KLHL1: variants seen among roughly 807,000 people sequenced by gnomAD.
The protein encoded by KLHL1 is kelch like family member 1.
In KLHL1, 47 loss-of-function variants were observed where a neutral mutation model predicts 77.7. The observed-to-expected ratio is 0.60, with a 90% CI of 0.48 to 0.77. The LOEUF is 0.77. Ranked by LOEUF, KLHL1 falls within the 30% of genes least tolerant of loss-of-function variation. The pLI, the probability that KLHL1 is intolerant of heterozygous loss-of-function variation, is 0.00. For missense variants in KLHL1, 925 were observed against 910.8 expected, an observed-to-expected ratio of 1.02 and a Z score of -0.20; for synonymous variants, 360 against 325.2, an observed-to-expected ratio of 1.11 and a Z score of -1.15.
At chr13:69,927,981 T>C (rs4884868) in intron 4 of KLHL1, among the ~76,000 whole-genome samples, 61,990 of 152,052 alleles carry the variant, frequency 0.41, 13,407 homozygotes, top group Non-Finnish European at 0.49. Context: ...ACAAGAATGC[T>C]GGACAGAAAT....
chr13:70,004,089 A>C (rs1398993447), intron 1 of KLHL1, among the ~76,000 whole-genome samples: 1 of 151,836 alleles, frequency 6.6e-6, no homozygotes, highest in African/African-American at 2.4e-5. Flanking sequence ...GCCTACCTTT[A>C]AGGCCAACTA....
At chr13:69,899,312 T>C (rs1881771991) in intron 4 of KLHL1, among the ~76,000 whole-genome samples, 1 of 152,186 alleles carries the variant, frequency 6.6e-6, no homozygotes, top group Non-Finnish European at 1.5e-5. Context: ...AATCAGTTAG[T>C]TCTGGAAGTA....
chr13:70,008,333 A>C (rs1885453260), intron 1 of KLHL1, among the ~76,000 whole-genome samples: 1 of 151,994 alleles, frequency 6.6e-6, no homozygotes, highest in African/African-American at 2.4e-5. Flanking sequence ...GAGAACATGC[A>C]CTTGTGCCTC....
At chr13:69,703,741 C>A (rs1875504721) in intron 10 of KLHL1, among the ~76,000 whole-genome samples, 1 of 151,606 alleles carries the variant, frequency 6.6e-6, no homozygotes, top group Admixed American at 6.6e-5. Context: ...GATACACAAA[C>A]AAACACCATT....
chr13:69,869,166 A>T (rs1880485234), intron 5 of KLHL1, among the ~76,000 whole-genome samples: 2 of 152,152 alleles, frequency 1.3e-5, no homozygotes, highest in African/African-American at 4.8e-5. Flanking sequence ...CCATTAATAA[A>T]TTCTACCTGA....
chr13:69,822,471 T>A (rs1878377950), intron 6 of KLHL1, among the ~76,000 whole-genome samples: 1 of 152,158 alleles, frequency 6.6e-6, no homozygotes, highest in Non-Finnish European at 1.5e-5. Flanking sequence ...ATTAAATACA[T>A]GAGCACCTAA....
rs78548939 is a variant in KLHL1 at position 70,091,816 on chromosome 13, A to C, written c.497+15387T>G. Among the ~76,000 whole-genome samples the C allele has an allele frequency of 6.4e-3, 974 of 152,252 alleles. 7 individuals carry two copies. The highest frequency in any genetic ancestry group is 0.022 in the African/African-American group (912 of 41,558). ...GTAGGTGCCGCCTAAACTACCTTAG[A>C]GCTAACTTTCATAAAAATTAAAACT... On this transcript the variant is annotated intron_variant, in intron 1 of 10. Coordinates refer to ENST00000377844, the MANE Select transcript of KLHL1 (RefSeq NM_020866.3).
chr13:70,069,939 C>A (rs1887100784), intron 1 of KLHL1, among the ~76,000 whole-genome samples: 1 of 151,892 alleles, frequency 6.6e-6, no homozygotes, highest in African/African-American at 2.4e-5. Flanking sequence ...GAGGCCGAGG[C>A]AGGCAGATCA....
intron 7 of KLHL1, among the ~76,000 whole-genome samples, chr13:69,793,175 T>C (rs1033301762): frequency 6.6e-6 from 1 of 151,986 alleles, no homozygotes; most frequent in African/African-American, 2.4e-5. Context: ...AACACTTAAC[T>C]GAAATAGTGC....
intron 4 of KLHL1, among the ~76,000 whole-genome samples, chr13:69,899,016 ACATT>A (rs1881755073): frequency 2.1e-5 from 1 of 48,010 alleles, no homozygotes; most frequent in Non-Finnish European, 4.5e-5. Flanking sequence ...TAAAAATTAC[ACATT>A]TTTTTTTTTT....
rs570457921 is a variant in KLHL1 at position 69,804,316 on chromosome 13, GA to G, written c.1415-7355del. Among the ~76,000 whole-genome samples, 18 of 150,826 alleles carry G rather than the reference GA, an allele frequency of 1.2e-4. No homozygotes were observed. The South Asian group carries it at 3.3e-3, about 28-fold the overall frequency. On this transcript the variant is annotated intron_variant, in intron 6 of 10. Coordinates refer to ENST00000377844, the MANE Select transcript of KLHL1 (RefSeq NM_020866.3). The stretch of plus-strand genomic sequence containing the variant: ...AAATATAATTTTTTTGTGGGGGGGG[GA>G]AATAGTAATTAATGTTTGTACACTC...
intron 1 of KLHL1, among the ~76,000 whole-genome samples, chr13:70,017,129 C>T (rs750830383): frequency 6.6e-5 from 10 of 152,196 alleles, no homozygotes; most frequent in Admixed American, 2.0e-4. Flanking sequence ...CCTCATTCCT[C>T]CTGGACATAG....
intron 4 of KLHL1, among the ~76,000 whole-genome samples, chr13:69,920,732 G>A (rs189704285): frequency 7.2e-5 from 11 of 152,084 alleles, no homozygotes; most frequent in Admixed American, 5.9e-4. Context: ...AAATGCTCTC[G>A]TTCAAAGAAG....
At chr13:69,790,949 C>T (rs1340097405) in intron 7 of KLHL1, among the ~76,000 whole-genome samples, 1 of 151,814 alleles carries the variant, frequency 6.6e-6, no homozygotes, top group Non-Finnish European at 1.5e-5. Flanking sequence ...CTTTCTCAGC[C>T]TGATAAAAAC....
chr13:69,995,326 A>G (rs765736485), intron 1 of KLHL1, among the ~76,000 whole-genome samples: 6 of 152,080 alleles, frequency 3.9e-5, no homozygotes, highest in Non-Finnish European at 7.4e-5. Flanking sequence ...AAAATTGATC[A>G]TGAGGTATGA....
intron 1 of KLHL1, among the ~76,000 whole-genome samples, chr13:70,010,919 T>TAAAATAAAAC (rs1885520183): frequency 6.6e-6 from 1 of 150,430 alleles, no homozygotes; most frequent in Non-Finnish European, 1.5e-5. Context: ...AATAATAAAA[T>TAAAATAAAAC]AAAATAAAAT....
intron 7 of KLHL1, among the ~76,000 whole-genome samples, chr13:69,763,399 C>T (rs1473920746): frequency 6.6e-6 from 1 of 152,144 alleles, no homozygotes; most frequent in Non-Finnish European, 1.5e-5. Flanking sequence ...TAAGGAGCAT[C>T]CTCTAAACTC....
intron 7 of KLHL1, among the ~76,000 whole-genome samples, chr13:69,764,637 A>G (rs1875182072): frequency 6.6e-6 from 1 of 152,156 alleles, no homozygotes; most frequent in Non-Finnish European, 1.5e-5. Context: ...AGCCTTTGGG[A>G]GAAAGTCTTC....
At chr13:69,937,488 G>A (rs1164227002) in intron 4 of KLHL1, among the ~76,000 whole-genome samples, 1 of 152,000 alleles carries the variant, frequency 6.6e-6, no homozygotes, top group African/African-American at 2.4e-5. Flanking sequence ...ACTCTCTACT[G>A]CTTTTAAAAT....
Sources: gnomAD v4.1 joint callset for allele counts (sites outside exome capture counted in the v4.1 genomes callset) on GRCh38, gnomAD v4.1.1 for gene constraint, MANE v1.5 for transcripts, NCBI Gene and HGNC (gene_info 2026-07-23, HGNC 2026-07-21) for gene names.